SYTL2: variants seen among roughly 807,000 people sequenced by gnomAD.
SYTL2 encodes the protein synaptotagmin-like protein 2.
In SYTL2, 165 loss-of-function variants were observed where a neutral mutation model predicts 198.7. The ratio of observed to expected loss-of-function variants is 0.83; its 90% CI spans 0.73 to 0.94. The LOEUF (loss-of-function observed/expected upper bound fraction) is 0.94. Ranked by LOEUF, SYTL2 falls within the 40% of genes least tolerant of loss-of-function variation. SYTL2 has a pLI of 0.00. For synonymous variants in SYTL2, 966 were observed against 917.7 expected (o/e 1.05, Z -0.95); for missense variants, 2,835 against 2,582.8 (o/e 1.10, Z -2.12).
chr11:85,697,711 C>A (rs994194988), intron 18 of SYTL2, among the ~76,000 whole-genome samples: 1 of 152,156 alleles, frequency 6.6e-6, no homozygotes, highest in Non-Finnish European at 1.5e-5. Context: ...CTGATTATTG[C>A]CCTCACCAAC....
chr11:85,757,477 T>A (rs899529354), intron 2 of SYTL2, 148 bp downstream of exon 2: 1 of 852,032 alleles, frequency 1.2e-6, no homozygotes, highest in African/African-American at 1.7e-5. Flanking sequence ...AAAAATGTTT[T>A]GTCCAGGAAG....
chr11:85,822,697 CAAG>C, the SYTL2 span, among the ~76,000 whole-genome samples: 2 of 152,094 alleles, frequency 1.3e-5, no homozygotes, highest in Non-Finnish European at 2.9e-5. Flanking sequence ...TAGATAAAGA[CAAG>C]AAGGAATCCC....
At chr11:85,805,449 C>T (rs2092946528) in intron 1 of SYTL2, among the ~76,000 whole-genome samples, 1 of 152,204 alleles carries the variant, frequency 6.6e-6, no homozygotes, top group South Asian at 2.1e-4. Context: ...ACAGCTCAGC[C>T]TTCCTCCCAA....
At position 85,704,927 on chromosome 11, in the gene SYTL2, A is replaced by G. The variant is rs761616088; in HGVS notation, c.6120T>C (p.Leu2040=). The change falls in exon 16 of 20, where the codon CTT becomes CTC. Residue 2040 remains leucine, a synonymous_variant. Transcript: ENST00000359152. ...TATCCCAGTCCCATGTTTCCAAATCAAGTTCCACCTCCCCTAGGAAACTAT... is the reference window on the plus strand; with the variant it reads ...TATCCCAGTCCCATGTTTCCAAATCGAGTTCCACCTCCCCTAGGAAACTAT... ...KRNSFLGEVE[L]DLETWDWDNK... is the part of the protein sequence containing the mutation. The G allele has an allele frequency of 1.9e-6, 3 of 1,613,770 alleles. No individual in the cohort carries two copies. The South Asian group carries it at 3.3e-5, about 18-fold the overall frequency.
At chr11:85,821,946 C>T in the SYTL2 span, among the ~76,000 whole-genome samples, 1 of 152,226 alleles carries the variant, frequency 6.6e-6, no homozygotes, top group Non-Finnish European at 1.5e-5. Flanking sequence ...GAGCCAGCCA[C>T]ACCAGCACTG....
the SYTL2 span, among the ~76,000 whole-genome samples, chr11:85,838,043 A>G: frequency 6.6e-6 from 1 of 152,162 alleles, no homozygotes; most frequent in Non-Finnish European, 1.5e-5. Flanking sequence ...TTCCCCAGTC[A>G]TGACAATTTA....
chr11:85,814,657 C>A (rs556559746), upstream of SYTL2, among the ~76,000 whole-genome samples: 1 of 152,314 alleles, frequency 6.6e-6, no homozygotes, highest in African/African-American at 2.4e-5. Flanking sequence ...AAATGATAAT[C>A]TGAAATTTAA....
chr11:85,819,401 G>A, the SYTL2 span, among the ~76,000 whole-genome samples: 3 of 152,170 alleles, frequency 2.0e-5, no homozygotes, highest in Non-Finnish European at 2.9e-5. Context: ...TTCTGTTGCC[G>A]CACTCACTAC....
At chr11:85,818,090 A>G in the SYTL2 span, among the ~76,000 whole-genome samples, 21 of 151,846 alleles carry the variant, frequency 1.4e-4, no homozygotes, top group Non-Finnish European at 2.8e-4. Context: ...TTTAGTAGAG[A>G]CAGGGTTTCA....
chr11:85,727,955 T>C lies in SYTL2; in HGVS notation c.1403A>G (p.His468Arg), dbSNP rs1462467502. 1.3e-6 allele frequency: 2 copies of C among 1,593,134 alleles called. No individual in the cohort carries two copies. Among genetic ancestry groups the C allele is most frequent in the African/African-American group, 1.4e-5 (1 of 73,472 alleles). The change falls in exon 8 of 20, where the codon CAT becomes CGT. Residue 468 changes from histidine to arginine, a missense_variant. Coordinates refer to ENST00000359152, the MANE Select transcript of SYTL2 (RefSeq NM_206927.4). ...LPRSPADELS[H>R]CVEPEPSQVP... Reference sequence around the variant, plus strand: ...CTGAGATGGCTCAGGCTCAACACAATGAGACAGTTCATCTGCAACATAGAA... The same window carrying C: ...CTGAGATGGCTCAGGCTCAACACAACGAGACAGTTCATCTGCAACATAGAA...
At chr11:85,821,657 C>T in the SYTL2 span, among the ~76,000 whole-genome samples, 72 of 152,308 alleles carry the variant, frequency 4.7e-4, no homozygotes, top group African/African-American at 1.3e-3. Context: ...GTATGTGGAA[C>T]GGACTCAGGG....
At chr11:85,808,837 T>C (rs1453255764) in intron 1 of SYTL2, among the ~76,000 whole-genome samples, 2 of 152,062 alleles carry the variant, frequency 1.3e-5, no homozygotes, top group Admixed American at 6.5e-5. Context: ...CCCCCAACTT[T>C]TGAGAGAGTG....
the SYTL2 span, among the ~76,000 whole-genome samples, chr11:85,844,749 CTG>C: frequency 3.3e-5 from 5 of 152,334 alleles, no homozygotes; most frequent in South Asian, 1.0e-3. Flanking sequence ...AAGATTGAAA[CTG>C]TGGTCAGTGG....
Position 85,704,950 on chromosome 11 carries a change from T to C in SYTL2, c.6097A>G (p.Ser2033Gly). 2 of 1,613,792 alleles carry C rather than the reference T, an allele frequency of 1.2e-6. No individual in the cohort carries two copies. The highest frequency in any genetic ancestry group is 1.1e-5 in the South Asian group (1 of 91,048). ...TCAAGTTCCACCTCCCCTAGGAAAC[T>C]ATTGCGCTTAAATGTATCCCGATGC... The part of the protein sequence containing the change: ...IWHRDTFKRN[S>G]FLGEVELDLE... Residue 2033 changes from serine (S) to glycine (G), a missense_variant, in exon 16 of 20, where the codon AGT (serine) becomes GGT (glycine). Physicochemically the swap from Ser to Gly is moderately conservative, Grantham distance 56. Transcript: ENST00000359152.
At chr11:85,768,455 C>A (rs531101998) in intron 1 of SYTL2, among the ~76,000 whole-genome samples, 2 of 152,120 alleles carry the variant, frequency 1.3e-5, no homozygotes, top group African/African-American at 4.8e-5. Context: ...AACAGATCTA[C>A]CTTACAGGGT....
intron 7 of SYTL2, among the ~76,000 whole-genome samples, chr11:85,731,064 C>T (rs1217621986): frequency 6.6e-6 from 1 of 152,090 alleles, no homozygotes. Flanking sequence ...GAACTACAAA[C>T]CACTGCTCAA....
At chr11:85,794,351 A>C (rs915004919) in intron 1 of SYTL2, among the ~76,000 whole-genome samples, 2 of 151,454 alleles carry the variant, frequency 1.3e-5, no homozygotes, top group Non-Finnish European at 2.9e-5. Flanking sequence ...GCTAATTTTT[A>C]AATTTTTTTT....
chr11:85,761,903 C>T (rs1265514871), intron 1 of SYTL2, among the ~76,000 whole-genome samples: 1 of 152,222 alleles, frequency 6.6e-6, no homozygotes, highest in Non-Finnish European at 1.5e-5. Context: ...AAGTGATCTG[C>T]CGGCCTCGGC....
At chr11:85,720,997 CAAAAA>C in intron 8 of SYTL2, 38 bp from the exon 9 acceptor site, 2 of 919,024 alleles carry the variant, frequency 2.2e-6, no homozygotes, top group Non-Finnish European at 3.2e-6. Flanking sequence ...TGCACAATAC[CAAAAA>C]AAAAAAAAAT....
Sources: gnomAD v4.1 joint callset for allele counts (sites outside exome capture counted in the v4.1 genomes callset) on GRCh38, gnomAD v4.1.1 for gene constraint, MANE v1.5 for transcripts, NCBI Gene and HGNC (gene_info 2026-07-23, HGNC 2026-07-21) for gene names.